Variants in CDH4 observed in about 807,000 individuals in gnomAD.
The protein encoded by CDH4 is cadherin 4.
Under a neutral mutation model 86.0 loss-of-function variants are expected in CDH4, and 33 were observed. That is an observed-to-expected ratio of 0.38 (90% CI 0.29 to 0.51). The LOEUF is 0.51. Ranked by LOEUF, CDH4 falls within the 20% of genes least tolerant of loss-of-function variation. The pLI is 0.86. For synonymous variants in CDH4, 555 were observed against 549.4 expected, an observed-to-expected ratio of 1.01 and a Z score of -0.14; for missense variants, 1,114 against 1,307.4, an observed-to-expected ratio of 0.85 and a Z score of 2.28.
At chr20:61,255,946 G>A (rs2084095714) in intron 2 of CDH4, among the ~76,000 whole-genome samples, 1 of 152,112 alleles carries the variant, frequency 6.6e-6, no homozygotes, top group Non-Finnish European at 1.5e-5. Flanking sequence ...CAAGTTTTCT[G>A]ACTTAGTTTT....
In CDH4 at chr20:61,803,498, G is replaced by A. The variant is rs139696462; in HGVS notation, c.576+30316G>A. ...ACATGTTAAGGTAGCTTTGGTCGGG[G>A]GATTAGAGCCGAAATCTCTGCCCCT... On this transcript the variant is annotated intron_variant, in intron 4 of 15. Coordinates refer to ENST00000614565, the MANE Select transcript of CDH4 (RefSeq NM_001794.5). 8.9e-3 allele frequency among the ~76,000 whole-genome samples: 1,354 copies of A among 152,330 alleles called. 11 individuals are homozygous for A. Among genetic ancestry groups the A allele is most frequent in the Non-Finnish European group, 0.013 (894 of 68,038 alleles).
At chr20:61,774,030 G>A (rs992654674) in intron 4 of CDH4, among the ~76,000 whole-genome samples, 2 of 152,128 alleles carry the variant, frequency 1.3e-5, no homozygotes, top group Non-Finnish European at 2.9e-5. Context: ...ACCCCACCAG[G>A]GAGCAGCCAA....
At chr20:61,805,900 T>G (rs1050266339) in intron 4 of CDH4, among the ~76,000 whole-genome samples, 3 of 152,140 alleles carry the variant, frequency 2.0e-5, no homozygotes, top group Non-Finnish European at 4.4e-5. Flanking sequence ...TTGCCAGCTA[T>G]GTAGGTATAT....
chr20:61,331,732 G>T (rs1011629386), intron 2 of CDH4, among the ~76,000 whole-genome samples: 2 of 1,514 alleles, frequency 1.3e-3, no homozygotes, highest in Non-Finnish European at 2.2e-3. Flanking sequence ...TGACAGAAAT[G>T]AGATGCGAGG....
intron 2 of CDH4, among the ~76,000 whole-genome samples, chr20:61,285,329 G>A (rs1293625236): frequency 6.6e-6 from 1 of 150,482 alleles, no homozygotes; most frequent in Non-Finnish European, 1.5e-5. Context: ...GGCCATAGGA[G>A]TGTAGCATAG....
intron 13 of CDH4, 59 bp downstream of exon 13, chr20:61,929,901 C>T (rs988153789): frequency 7.2e-7 from 1 of 1,383,172 alleles, no homozygotes; most frequent in Non-Finnish European, 1.0e-6. Flanking sequence ...TGCCCTGTCC[C>T]AGGCATGGTG....
In CDH4 at chr20:61,565,210, G is replaced by GGTC. The variant is rs1343319817; in HGVS notation, c.170-178353_170-178352insGTC. Among the ~76,000 whole-genome samples the GGTC allele has an allele frequency of 6.1e-4, 33 of 54,482 alleles. 4 individuals are homozygous for GGTC. The highest frequency in any genetic ancestry group is 8.7e-4 in the Non-Finnish European group (22 of 25,222). 35.7% of individuals were successfully genotyped at this position (54,482 alleles called of 152,430 possible). A position where few individuals can be genotyped will look rare whatever the true frequency, so the allele number is the denominator to read the frequency against. ...TGGTCCTCTTGGTGGTGGTCGCGGTGCTCTCGGTGGTAGGTGGTGGTGGTG... is the reference window on the plus strand; with the variant it reads ...TGGTCCTCTTGGTGGTGGTCGCGGTGGTCCTCTCGGTGGTAGGTGGTGGTGGTG... On this transcript the variant is annotated intron_variant, in intron 2 of 15. Coordinates refer to ENST00000614565, the MANE Select transcript of CDH4 (RefSeq NM_001794.5).
intron 2 of CDH4, among the ~76,000 whole-genome samples, chr20:61,431,652 G>A (rs1407757372): frequency 6.6e-6 from 1 of 152,142 alleles, no homozygotes; most frequent in East Asian, 1.9e-4. Flanking sequence ...GAACAGCCAT[G>A]CCTGGCCAAA....
chr20:61,843,456 C>CAAAAAAAAAAAA (rs869283452), intron 4 of CDH4, among the ~76,000 whole-genome samples: 1 of 58,846 alleles, frequency 1.7e-5, no homozygotes, highest in African/African-American at 7.7e-5. Flanking sequence ...GACTCCGTCT[C>CAAAAAAAAAAAA]AAAAAAAAAA....
At chr20:61,929,087 CTCTT>C (rs376916522) in intron 12 of CDH4, among the ~76,000 whole-genome samples, 4 of 151,458 alleles carry the variant, frequency 2.6e-5, no homozygotes, top group African/African-American at 7.2e-5. Context: ...TTTGGTAAAA[CTCTT>C]TATATATTCA....
intron 2 of CDH4, among the ~76,000 whole-genome samples, chr20:61,275,476 G>A (rs1175723001): frequency 7.9e-6 from 1 of 127,064 alleles, no homozygotes; most frequent in Non-Finnish European, 1.6e-5. Flanking sequence ...CAGTTTGGGG[G>A]AGTATCATGT....
In CDH4 at chr20:61,565,061, C is replaced by CG. The variant is rs1568687897; in HGVS notation, c.170-178502_170-178501insG. Among the ~76,000 whole-genome samples the CG allele has an allele frequency of 4.7e-5, 6 of 127,726 alleles. No individual in the cohort carries two copies. The East Asian group carries it at 1.6e-3, about 33-fold the overall frequency. The allele number at this position is 127,726 out of a possible 152,430, so 83.8% of individuals were successfully genotyped here. ...TTTCTTTGCTGCCACTGGTGGTGCT[C>CG]TTGGTGGTGGTGGTGGTGGTGGTGG... On this transcript the variant is annotated intron_variant, in intron 2 of 15. Coordinates refer to ENST00000614565, the MANE Select transcript of CDH4 (RefSeq NM_001794.5).
intron 2 of CDH4, among the ~76,000 whole-genome samples, chr20:61,492,691 C>T (rs143230047): frequency 6.6e-4 from 101 of 152,264 alleles, no homozygotes; most frequent in African/African-American, 2.4e-3. Flanking sequence ...TTTCATGGAG[C>T]TCACAGTCTG....
chr20:61,479,270 A>T (rs1286936988), intron 2 of CDH4, among the ~76,000 whole-genome samples: 1 of 152,024 alleles, frequency 6.6e-6, no homozygotes, highest in Non-Finnish European at 1.5e-5. Flanking sequence ...TTACATATGT[A>T]TACATGTGCC....
chr20:61,455,980 A>AGGATGGAT (rs139765371), intron 2 of CDH4, among the ~76,000 whole-genome samples: 1 of 151,818 alleles, frequency 6.6e-6, no homozygotes, highest in African/African-American at 2.4e-5. Context: ...GAAGGATAGA[A>AGGATGGAT]GGATGGATGG....
At chr20:61,637,227 G>A (rs1039026651) in intron 2 of CDH4, among the ~76,000 whole-genome samples, 14 of 152,222 alleles carry the variant, frequency 9.2e-5, no homozygotes, top group African/African-American at 3.4e-4. Context: ...GCACGAGGAA[G>A]CTAGTGAGGG....
intron 2 of CDH4, among the ~76,000 whole-genome samples, chr20:61,545,357 G>T (rs527356352): frequency 6.6e-6 from 1 of 152,254 alleles, no homozygotes; most frequent in East Asian, 1.9e-4. Flanking sequence ...TCTGCCGGCC[G>T]TGGGCTGGAA....
At chr20:61,384,112 G>T (rs183536735) in intron 2 of CDH4, among the ~76,000 whole-genome samples, 2 of 152,142 alleles carry the variant, frequency 1.3e-5, no homozygotes, top group East Asian at 1.9e-4. Flanking sequence ...AGCTGTGCTG[G>T]CAGCTGATTA....
intron 2 of CDH4, among the ~76,000 whole-genome samples, chr20:61,436,027 T>C (rs1467828187): frequency 1.3e-5 from 2 of 152,062 alleles, no homozygotes; most frequent in Non-Finnish European, 2.9e-5. Context: ...CCTTTGCACA[T>C]GCTCTTCCTG....
Sources: gnomAD v4.1 joint callset for allele counts (sites outside exome capture counted in the v4.1 genomes callset) on GRCh38, gnomAD v4.1.1 for gene constraint, MANE v1.5 for transcripts, NCBI Gene and HGNC (gene_info 2026-07-23, HGNC 2026-07-21) for gene names.